The following IQSEC1 variants were observed in gnomAD, a reference collection of about 807,000 sequenced individuals.
IQSEC1 encodes the protein IQ motif and SEC7 domain-containing protein 1.
In IQSEC1, 31 loss-of-function variants were observed where a neutral mutation model predicts 91.0. The observed-to-expected ratio is 0.34, with a 90% CI of 0.26 to 0.46. IQSEC1 has a LOEUF of 0.46. Ranked by LOEUF, IQSEC1 falls within the 20% of genes least tolerant of loss-of-function variation. IQSEC1 has a pLI of 1.00. For missense variants in IQSEC1, 1,388 were observed against 1,575.6 expected (o/e 0.88, Z 2.02); for synonymous variants, 699 against 662.6 (o/e 1.05, Z -0.84).
intron 1 of IQSEC1, among the ~76,000 whole-genome samples, chr3:13,268,014 G>C (rs542906625): frequency 9.2e-5 from 14 of 152,312 alleles, no homozygotes; most frequent in African/African-American, 3.1e-4. Flanking sequence ...TTCACATTTG[G>C]GGGGATGGAA....
chr3:13,001,715 G>T (rs939268366), intron 1 of IQSEC1, among the ~76,000 whole-genome samples: 1 of 152,206 alleles, frequency 6.6e-6, no homozygotes, highest in Non-Finnish European at 1.5e-5. Flanking sequence ...ATTGTCAAAT[G>T]ATTTTTTACA....
At chr3:13,252,983 C>T (rs1035107658) in intron 1 of IQSEC1, among the ~76,000 whole-genome samples, 4 of 152,184 alleles carry the variant, frequency 2.6e-5, no homozygotes, top group Non-Finnish European at 2.9e-5. Context: ...CCGCCCGCCT[C>T]GGCCTCCCAA....
At chr3:13,120,181 C>T (rs1706400840) in intron 2 of IQSEC1, among the ~76,000 whole-genome samples, 1 of 152,186 alleles carries the variant, frequency 6.6e-6, no homozygotes. Context: ...GCAGCAATGA[C>T]CTTCCGACCC....
chr3:13,201,552 C>T (rs1225472536), intron 1 of IQSEC1, among the ~76,000 whole-genome samples: 1 of 152,138 alleles, frequency 6.6e-6, no homozygotes, highest in African/African-American at 2.4e-5. Context: ...CTATGTTGCT[C>T]AGGCTGGTCT....
chr3:12,929,007 G>C (rs1286380289), intron 3 of IQSEC1, among the ~76,000 whole-genome samples: 1 of 152,118 alleles, frequency 6.6e-6, no homozygotes, highest in Non-Finnish European at 1.5e-5. Flanking sequence ...CAAAAAACAT[G>C]CTTTCTAGTT....
At chr3:13,000,549 G>T (rs1406579636) in intron 1 of IQSEC1, among the ~76,000 whole-genome samples, 4 of 152,230 alleles carry the variant, frequency 2.6e-5, no homozygotes, top group Non-Finnish European at 5.9e-5. Flanking sequence ...CTGCCCAGAA[G>T]GTCCCTGAAA....
At chr3:13,120,479 C>A (rs1298150955) in intron 2 of IQSEC1, among the ~76,000 whole-genome samples, 2 of 152,198 alleles carry the variant, frequency 1.3e-5, no homozygotes, top group Admixed American at 1.3e-4. Flanking sequence ...AGGAAAGTAA[C>A]CTCTCTGGGC....
rs1299809533 is a variant in IQSEC1 at position 13,103,913 on chromosome 3, G to A, written c.303-56391C>T. ...ACTTAGGACATTACCTTTGTGCCAG[G>A]TATTCTTCTATTTAATCTTCACGGC... On this transcript the variant is annotated intron_variant, in intron 2 of 15. Transcript: ENST00000648114. This position sits in a 1 kb window ranked among gnomAD's most constrained non-coding sequence, Gnocchi z 4.1. Among the ~76,000 whole-genome samples, 2 of 152,166 alleles carry A rather than the reference G, an allele frequency of 1.3e-5. No individual in the cohort carries two copies. The highest frequency in any genetic ancestry group is 2.9e-5 in the Non-Finnish European group (2 of 68,028).
chr3:13,282,385 C>T lies in IQSEC1; in HGVS notation c.272+326G>A, dbSNP rs1296360536. ...TAGGTCCGCTCCCCGGACAGACCTC[C>T]GCCCGGCTCGTCCGAGCCCCGGGGG... On this transcript the variant is annotated intron_variant, in intron 1 of 15. Transcript: ENST00000648114. The surrounding 1 kb of genome is among the most constrained non-coding windows in gnomAD (Gnocchi z 6.4). 6.6e-6 allele frequency among the ~76,000 whole-genome samples: 1 copy of T among 152,148 alleles called. No homozygotes were observed. The highest frequency in any genetic ancestry group is 1.5e-5 in the Non-Finnish European group (1 of 67,996).
chr3:12,911,862 G>A, intron 9 of IQSEC1, 134 bp from the exon 10 acceptor site: 1 of 685,188 alleles, frequency 1.5e-6, no homozygotes, highest in South Asian at 1.5e-5. Flanking sequence ...TGGAGGGCAT[G>A]GGCTTCCACT....
intron 2 of IQSEC1, among the ~76,000 whole-genome samples, chr3:13,078,843 C>T (rs1490758070): frequency 6.6e-6 from 1 of 152,228 alleles, no homozygotes; most frequent in Non-Finnish European, 1.5e-5. Context: ...GCCTGGCGTA[C>T]CTTGTGCCAA....
rs1410213843 is a variant in IQSEC1 at position 12,899,335 on chromosome 3, C to A, written c.*1648G>T. 3 of 1,596,154 alleles carry A rather than the reference C, an allele frequency of 1.9e-6. No homozygotes were observed. The African/African-American group carries it at 4.0e-5, about 21-fold the overall frequency. On this transcript the variant is annotated 3_prime_UTR_variant, in exon 14 of 14. Coordinates refer to ENST00000613206, the MANE Select transcript of IQSEC1 (RefSeq NM_001134382.3). The stretch of plus-strand genomic sequence containing the variant: ...GAGTCAGGCGTGAGCTTCGCCCTTT[C>A]TGAAAGGGCCTCCGCCTGGGCAGGC...
intron 2 of IQSEC1, among the ~76,000 whole-genome samples, chr3:13,136,435 A>G (rs999106451): frequency 6.6e-6 from 1 of 152,208 alleles, no homozygotes; most frequent in Non-Finnish European, 1.5e-5. Context: ...CAACTGGTAG[A>G]TCTGACTACA....
chr3:13,206,818 T>G (rs1039764836), intron 1 of IQSEC1, among the ~76,000 whole-genome samples: 6 of 151,944 alleles, frequency 3.9e-5, no homozygotes, highest in Non-Finnish European at 7.4e-5. Context: ...CTATCATAAA[T>G]AAACGGGGCC....
chr3:13,065,750 A>G (rs1015798217), intron 1 of IQSEC1, among the ~76,000 whole-genome samples: 1 of 152,186 alleles, frequency 6.6e-6, no homozygotes, highest in African/African-American at 2.4e-5. Context: ...ACCCAACAGA[A>G]ATGGAACCAG....
intron 1 of IQSEC1, among the ~76,000 whole-genome samples, chr3:13,196,757 T>TGC (rs771297181): frequency 2.9e-5 from 1 of 33,910 alleles, no homozygotes; most frequent in Admixed American, 2.8e-4. Flanking sequence ...TGCGTGTGTG[T>TGC]GTGTGTGTGT....
At chr3:13,093,888 T>C (rs1174734740) in intron 2 of IQSEC1, among the ~76,000 whole-genome samples, 4 of 152,210 alleles carry the variant, frequency 2.6e-5, no homozygotes, top group African/African-American at 9.6e-5. Context: ...AATCAGAGCA[T>C]AAATCCCTCT....
chr3:13,031,069 T>C (rs1272205981), intron 1 of IQSEC1, among the ~76,000 whole-genome samples: 2 of 152,274 alleles, frequency 1.3e-5, no homozygotes, highest in African/African-American at 4.8e-5. Context: ...AAGGTTACCA[T>C]GAAAACAAGA....
At chr3:12,954,566 C>T (rs1379870016) in intron 1 of IQSEC1, among the ~76,000 whole-genome samples, 3 of 152,240 alleles carry the variant, frequency 2.0e-5, no homozygotes, top group Non-Finnish European at 4.4e-5. Flanking sequence ...CAGATCTCCG[C>T]TGTCTATCAC....
Sources: allele counts gnomAD v4.1 joint callset (sites outside exome capture counted in the v4.1 genomes callset), GRCh38; gene constraint gnomAD v4.1.1; non-coding constraint Gnocchi (gnomAD v3.1); transcripts MANE v1.5; gene names NCBI Gene and HGNC (gene_info 2026-07-23, HGNC 2026-07-21).